Variants in ZNF577 observed in about 807,000 individuals in gnomAD.
The protein encoded by ZNF577 is zinc finger protein 577.
A neutral mutation model predicts 13.9 loss-of-function variants in ZNF577; 14 were observed. The ratio of observed to expected loss-of-function variants is 1.00; its 90% CI spans 0.66 to 1.57. The LOEUF (loss-of-function observed/expected upper bound fraction) is 1.57, where lower values mean the gene tolerates loss of function less well. Ranked by LOEUF, ZNF577 falls within the 40% of genes most tolerant of loss-of-function variation. ZNF577 has a pLI of 0.00. For synonymous variants in ZNF577, 203 were observed against 202.9 expected (o/e 1.00, Z 0.00); for missense variants, 555 against 579.2 (o/e 0.96, Z 0.43).
At chr19:51,879,714 A>T (rs2084830802) in intron 3 of ZNF577, among the ~76,000 whole-genome samples, 1 of 152,202 alleles carries the variant, frequency 6.6e-6, no homozygotes, top group Non-Finnish European at 1.5e-5. Context: ...AACTATGAAC[A>T]CTTATTTAGT....
intron 5 of ZNF577, among the ~76,000 whole-genome samples, chr19:51,858,199 T>G (rs1453881626): frequency 6.6e-6 from 1 of 152,172 alleles, no homozygotes; most frequent in Non-Finnish European, 1.5e-5. Context: ...CACGTTACCC[T>G]CTCATTATAT....
At chr19:51,877,113 G>T (rs116418100) in intron 5 of ZNF577, among the ~76,000 whole-genome samples, 169 bp downstream of exon 5, 3 of 152,166 alleles carry the variant, frequency 2.0e-5, no homozygotes, top group African/African-American at 7.2e-5. Context: ...TATCCTTTGA[G>T]AGCCGGCTCT....
chr19:51,874,033 T>C (rs2084713369), intron 5 of ZNF577, among the ~76,000 whole-genome samples: 1 of 152,162 alleles, frequency 6.6e-6, no homozygotes, highest in Non-Finnish European at 1.5e-5. Flanking sequence ...AAAAGGATGA[T>C]ACTATAAAAC....
chr19:51,834,762 C>A (rs1028090092), intron 9 of ZNF577, among the ~76,000 whole-genome samples: 3 of 152,184 alleles, frequency 2.0e-5, no homozygotes, highest in Non-Finnish European at 2.9e-5. Context: ...CGGCTCACTG[C>A]AGCTTCAACC....
intron 9 of ZNF577, among the ~76,000 whole-genome samples, chr19:51,813,952 A>T (rs1245721917): frequency 6.6e-6 from 1 of 152,218 alleles, no homozygotes; most frequent in Non-Finnish European, 1.5e-5. Flanking sequence ...AGTGGCAGCC[A>T]TTCTGTGGTC....
chr19:51,873,889 T>C (rs1373665343), intron 5 of ZNF577, among the ~76,000 whole-genome samples, 183 bp from the exon 6 acceptor site: 3 of 152,112 alleles, frequency 2.0e-5, no homozygotes, highest in Non-Finnish European at 2.9e-5. Context: ...CCCCCAAATT[T>C]CTCCTAGGAA....
chr19:51,813,280 T>C (rs890660317), intron 9 of ZNF577, among the ~76,000 whole-genome samples: 7 of 152,102 alleles, frequency 4.6e-5, no homozygotes, highest in Non-Finnish European at 1.5e-5. Context: ...AGTCCTCACA[T>C]GGTAAAAGGG....
chr19:51,845,592 T>G lies in ZNF577; in HGVS notation c.284-661A>C, dbSNP rs1441930082. Among the ~76,000 whole-genome samples, 11 of 152,218 alleles carry G rather than the reference T, an allele frequency of 7.2e-5. 1 individual carries two copies. In the East Asian group the frequency reaches 2.1e-3, roughly 29 times the overall value. ...CATAAAAGTTCATGTCTTATCTAAC[T>G]GAAATTTTTTATTCTTTCACCAACA... On this transcript the variant is annotated intron_variant and NMD_transcript_variant, in intron 5 of 10. Transcript: ENST00000638827.
chr19:51,836,581 C>T (rs1054494884), intron 9 of ZNF577, among the ~76,000 whole-genome samples: 1 of 152,016 alleles, frequency 6.6e-6, no homozygotes. Context: ...TGTTTCCACA[C>T]GAACATTTTC....
intron 9 of ZNF577, among the ~76,000 whole-genome samples, chr19:51,818,404 C>T (rs560912373): frequency 4.5e-4 from 68 of 152,216 alleles, no homozygotes; most frequent in African/African-American, 1.6e-3. Flanking sequence ...CATTGTGTTT[C>T]CATTGGACAG....
chr19:51,876,495 T>C (rs1220722858), intron 5 of ZNF577, among the ~76,000 whole-genome samples: 1 of 149,038 alleles, frequency 6.7e-6, no homozygotes, highest in Non-Finnish European at 1.5e-5. Flanking sequence ...GAGCAGTGGG[T>C]GAGTAAGTCG....
At position 51,880,207 on chromosome 19, in the gene ZNF577, G is replaced by A. The variant is rs924904620; in HGVS notation, c.60+116C>T. On this transcript the variant is annotated intron_variant, in intron 3 of 5. Coordinates refer to ENST00000638348, the MANE Select transcript of ZNF577 (RefSeq NM_001370449.1). ...TTACCCCACTAAACAACAGGAAAAAGCCATAGAAAACATCCCATGCCTTTA... is the reference window on the plus strand; with the variant it reads ...TTACCCCACTAAACAACAGGAAAAAACCATAGAAAACATCCCATGCCTTTA... 46 of 1,084,202 alleles carry A rather than the reference G, an allele frequency of 4.2e-5. No homozygotes were observed. The South Asian group carries it at 5.4e-4, about 13-fold the overall frequency. 67.2% of individuals were successfully genotyped at this position (1,084,202 alleles called of 1,614,324 possible). A position where few individuals can be genotyped will look rare whatever the true frequency, so the allele number is the denominator to read the frequency against.
chr19:51,816,327 A>T (rs1490775644), intron 9 of ZNF577, among the ~76,000 whole-genome samples: 1 of 152,114 alleles, frequency 6.6e-6, no homozygotes, highest in Non-Finnish European at 1.5e-5. Context: ...GGCTGACTAC[A>T]ACCTCTTCTT....
At chr19:51,852,933 C>T (rs796457411) in intron 5 of ZNF577, among the ~76,000 whole-genome samples, 6 of 144,036 alleles carry the variant, frequency 4.2e-5, no homozygotes, top group South Asian at 2.2e-4. Context: ...GTTTTCTTTT[C>T]TTTTTTTTTT....
chr19:51,859,598 A>G (rs964906037), intron 5 of ZNF577, among the ~76,000 whole-genome samples: 9 of 152,152 alleles, frequency 5.9e-5, no homozygotes, highest in African/African-American at 2.2e-4. Flanking sequence ...TTTCAGAGTT[A>G]TAAGGCTCTA....
At chr19:51,860,782 A>G (rs1419299166) in intron 5 of ZNF577, 2 of 288,168 alleles carry the variant, frequency 6.9e-6, no homozygotes, top group African/African-American at 4.7e-5. Flanking sequence ...TGAGTTTGCT[A>G]TAACAAGAAA....
intron 5 of ZNF577, among the ~76,000 whole-genome samples, chr19:51,857,420 AAGAAAG>A (rs72213862): frequency 0.025 from 3,087 of 121,494 alleles, 123 homozygotes; most frequent in South Asian, 0.058. Context: ...GAAAGAAAGA[AAGAAAG>A]AAAAGAAAAA....
intron 9 of ZNF577, among the ~76,000 whole-genome samples, chr19:51,813,161 C>CACA: frequency 6.7e-6 from 1 of 149,542 alleles, no homozygotes; most frequent in African/African-American, 2.5e-5. Flanking sequence ...CACACACACA[C>CACA]CCCATAAATT....
At chr19:51,828,993 C>T (rs529137875) in intron 9 of ZNF577, among the ~76,000 whole-genome samples, 12 of 152,220 alleles carry the variant, frequency 7.9e-5, no homozygotes, top group Non-Finnish European at 1.6e-4. Context: ...CTTGAGGGCA[C>T]GTTGTCCCTT....
Sources: gnomAD v4.1 joint callset for allele counts (sites outside exome capture counted in the v4.1 genomes callset) on GRCh38, gnomAD v4.1.1 for gene constraint, MANE v1.5 for transcripts, NCBI Gene and HGNC (gene_info 2026-07-23, HGNC 2026-07-21) for gene names.